The following DAB1 variants were observed in gnomAD, a reference collection of about 807,000 sequenced individuals.
DAB1 encodes the protein DAB adaptor protein 1, also known as disabled homolog 1.
In DAB1, 15 loss-of-function variants were observed where a neutral mutation model predicts 64.6. The ratio of observed to expected loss-of-function variants is 0.23; its 90% CI spans 0.16 to 0.36. The LOEUF (loss-of-function observed/expected upper bound fraction) is 0.36. Ranked by LOEUF, DAB1 falls within the 10% of genes least tolerant of loss-of-function variation. DAB1 has a pLI of 1.00. For synonymous variants in DAB1, 235 were observed against 251.9 expected (o/e 0.93, Z 0.64); for missense variants, 596 against 706.7 (o/e 0.84, Z 1.78).
At chr1:57,940,641 T>G (rs551805190) in intron 5 of DAB1, among the ~76,000 whole-genome samples, 36 of 152,180 alleles carry the variant, frequency 2.4e-4, no homozygotes, top group Non-Finnish European at 4.3e-4. Flanking sequence ...TCCAACAAAC[T>G]CCCATGTAAC....
At chr1:57,572,318 T>C (rs908855633) in intron 7 of DAB1, among the ~76,000 whole-genome samples, 2 of 152,174 alleles carry the variant, frequency 1.3e-5, no homozygotes, top group African/African-American at 4.8e-5. Context: ...TGGGCTTTTG[T>C]TTCCTCATCT....
In DAB1 at chr1:57,635,508, G is replaced by A. The variant is rs538165643; in HGVS notation, n.625+14084C>T. Among the ~76,000 whole-genome samples the A allele has an allele frequency of 4.6e-5, 7 of 152,228 alleles. No homozygotes were observed. In the South Asian group the frequency reaches 1.5e-3, roughly 32 times the overall value. ...ATTGAGCATGCCAGGGATCTAGGTT[G>A]CGTGCTCCTTATGAGACTCTACTGC... On this transcript the variant is annotated intron_variant and non_coding_transcript_variant, in intron 7 of 20. Transcript: ENST00000485760.
intron 9 of DAB1, among the ~76,000 whole-genome samples, chr1:57,044,430 A>G (rs542524886): frequency 6.6e-6 from 1 of 152,328 alleles, no homozygotes; most frequent in Non-Finnish European, 1.5e-5. Flanking sequence ...GTATTACAGA[A>G]ACTATAAAAC....
intron 3 of DAB1, among the ~76,000 whole-genome samples, chr1:58,499,513 G>GATAA (rs1557442581): frequency 1.3e-5 from 2 of 149,396 alleles, no homozygotes; most frequent in Non-Finnish European, 3.0e-5. Flanking sequence ...TAGATAAATA[G>GATAA]ATAGATAGAT....
intron 14 of DAB1, among the ~76,000 whole-genome samples, chr1:57,004,985 T>C (rs1229619050): frequency 6.6e-6 from 1 of 152,190 alleles, no homozygotes; most frequent in Non-Finnish European, 1.5e-5. Context: ...TTCTTTATAT[T>C]CAAACAAAAG....
intron 5 of DAB1, among the ~76,000 whole-genome samples, chr1:58,118,591 A>T (rs950753215): frequency 3.3e-5 from 3 of 91,166 alleles, no homozygotes; most frequent in African/African-American, 5.7e-5. Flanking sequence ...TATATATATA[A>T]AATACTATAT....
rs201565800 is a variant in DAB1, at chr1:57,955,794, GA to G, written n.388-71633del. On this transcript the variant is annotated intron_variant and non_coding_transcript_variant, in intron 5 of 20. Coordinates refer to the DAB1 transcript ENST00000485760. Reference sequence around the variant, plus strand: ...TTGGATTAACCAAAATGAAGCAGAAGAAAAAAAAAATGAGCTAGAAAAACAA... The same window carrying G: ...TTGGATTAACCAAAATGAAGCAGAAGAAAAAAAAATGAGCTAGAAAAACAA... Among the ~76,000 whole-genome samples the G allele has an allele frequency of 3.6e-3, 515 of 144,876 alleles. 1 individual carries two copies. The highest frequency in any genetic ancestry group is 9.7e-3 in the East Asian group (48 of 4,942).
chr1:57,171,328 G>C (rs1383539498), intron 2 of DAB1, among the ~76,000 whole-genome samples: 1 of 152,188 alleles, frequency 6.6e-6, no homozygotes, highest in Non-Finnish European at 1.5e-5. Context: ...AATAAGTGAG[G>C]TGGTTTGTGT....
intron 3 of DAB1, among the ~76,000 whole-genome samples, chr1:58,457,164 G>A (rs184286765): frequency 2.6e-4 from 39 of 152,286 alleles, no homozygotes; most frequent in Non-Finnish European, 2.9e-4. Context: ...AACTGTCAGA[G>A]GTCACTCATA....
intron 2 of DAB1, among the ~76,000 whole-genome samples, chr1:57,237,853 T>G (rs1668203684): frequency 6.6e-6 from 1 of 152,206 alleles, no homozygotes; most frequent in Admixed American, 6.5e-5. Context: ...AAAGGGATGA[T>G]GAATTACACA....
At chr1:57,537,847 C>T (rs1159418612) in intron 7 of DAB1, among the ~76,000 whole-genome samples, 1 of 152,106 alleles carries the variant, frequency 6.6e-6, no homozygotes, top group South Asian at 2.1e-4. Context: ...GCTGGAAGAC[C>T]GGGCATGTGC....
chr1:57,545,349 C>T (rs1644844985), intron 7 of DAB1, among the ~76,000 whole-genome samples: 1 of 152,162 alleles, frequency 6.6e-6, no homozygotes, highest in Non-Finnish European at 1.5e-5. Flanking sequence ...TATTCCTTTA[C>T]TAGTTTTATA....
chr1:58,452,398 T>TA (rs200485052), intron 3 of DAB1, among the ~76,000 whole-genome samples: 88 of 145,340 alleles, frequency 6.1e-4, no homozygotes, highest in Admixed American at 2.0e-3. Context: ...TGAAAATGGC[T>TA]AAAAAAAAAA....
At chr1:57,274,099 G>A (rs1671264750) in intron 2 of DAB1, among the ~76,000 whole-genome samples, 1 of 152,160 alleles carries the variant, frequency 6.6e-6, no homozygotes, top group South Asian at 2.1e-4. Flanking sequence ...AGATCATAAT[G>A]CTTTGCCAAT....
At chr1:57,819,953 G>T (rs999514936) in intron 6 of DAB1, among the ~76,000 whole-genome samples, 5 of 152,190 alleles carry the variant, frequency 3.3e-5, no homozygotes, top group Non-Finnish European at 7.4e-5. Context: ...TTCTTTGGTA[G>T]TTCCTTAATA....
intron 9 of DAB1, among the ~76,000 whole-genome samples, chr1:57,052,811 A>G (rs1423813179): frequency 6.6e-6 from 1 of 152,236 alleles, no homozygotes; most frequent in Non-Finnish European, 1.5e-5. Flanking sequence ...TCTTAGTGGC[A>G]GAGAGCTCAC....
chr1:57,383,605 A>C (rs61769725), intron 1 of DAB1, among the ~76,000 whole-genome samples: 60,671 of 152,010 alleles, frequency 0.4, 12,688 homozygotes, highest in African/African-American at 0.46. Flanking sequence ...AAGAAATAAA[A>C]CCTCACATAG....
intron 6 of DAB1, among the ~76,000 whole-genome samples, chr1:57,791,237 T>G (rs1323836): frequency 0.8 from 121,427 of 152,092 alleles, 48,562 homozygotes; most frequent in South Asian, 0.85. Context: ...ATTCCCACTA[T>G]GCCCTAGGCC....
At chr1:57,372,231 C>A (rs1680556720) in intron 1 of DAB1, among the ~76,000 whole-genome samples, 1 of 152,196 alleles carries the variant, frequency 6.6e-6, no homozygotes, top group South Asian at 2.1e-4. Context: ...TCTATAGACA[C>A]CATAAACTGG....
Sources: allele counts gnomAD v4.1 joint callset (sites outside exome capture counted in the v4.1 genomes callset), GRCh38; gene constraint gnomAD v4.1.1; transcripts MANE v1.5; gene names NCBI Gene and HGNC (gene_info 2026-07-23, HGNC 2026-07-21).